The following ST8SIA2 variants were observed in gnomAD, a reference collection of about 807,000 sequenced individuals.
ST8SIA2 encodes alpha-2,8-sialyltransferase 8B.
Under a neutral mutation model 37.6 loss-of-function variants are expected in ST8SIA2, and 22 were observed. That is an observed-to-expected ratio of 0.58 (90% CI 0.42 to 0.83). ST8SIA2 has a LOEUF of 0.83. Among genes scored for constraint, ST8SIA2 ranks in the 40% least tolerant of loss-of-function variants. ST8SIA2 has a pLI of 0.00. For synonymous variants in ST8SIA2, 205 were observed against 201.2 expected, an observed-to-expected ratio of 1.02 and a Z score of -0.16; for missense variants, 382 against 484.7, an observed-to-expected ratio of 0.79 and a Z score of 1.99.
intron 1 of ST8SIA2, among the ~76,000 whole-genome samples, chr15:92,408,908 G>A (rs2049529145): frequency 6.6e-6 from 1 of 151,912 alleles, no homozygotes; most frequent in Non-Finnish European, 1.5e-5. Flanking sequence ...GTTTCACCAT[G>A]TTGGTCAGGC....
At chr15:92,395,412 A>G (rs1445956872) in intron 1 of ST8SIA2, among the ~76,000 whole-genome samples, 1 of 152,172 alleles carries the variant, frequency 6.6e-6, no homozygotes, top group Non-Finnish European at 1.5e-5. Context: ...CCGAGGCCCC[A>G]AGGACAAAAA....
chr15:92,456,693 C>T (rs1238344772), intron 5 of ST8SIA2, among the ~76,000 whole-genome samples: 3 of 152,156 alleles, frequency 2.0e-5, no homozygotes, highest in South Asian at 4.1e-4. Context: ...AGATGTTCCT[C>T]GTGGCAGTGT....
chr15:92,435,028 C>T (rs887428791), intron 3 of ST8SIA2, among the ~76,000 whole-genome samples: 5 of 152,206 alleles, frequency 3.3e-5, no homozygotes, highest in African/African-American at 1.2e-4. Context: ...ATTACAACTT[C>T]GGCATTTTGG....
chr15:92,456,485 C>G (rs769057758), intron 5 of ST8SIA2, among the ~76,000 whole-genome samples: 1 of 152,144 alleles, frequency 6.6e-6, no homozygotes, highest in Non-Finnish European at 1.5e-5. Context: ...GAATTTAAAA[C>G]TGTAGGGAAG....
At chr15:92,408,257 C>T (rs1349040278) in intron 1 of ST8SIA2, among the ~76,000 whole-genome samples, 1 of 151,972 alleles carries the variant, frequency 6.6e-6, no homozygotes, top group Non-Finnish European at 1.5e-5. Flanking sequence ...CCCAAGAAGA[C>T]CTTTCACCCC....
chr15:92,448,572 G>C (rs762584972), intron 5 of ST8SIA2, among the ~76,000 whole-genome samples: 2 of 152,318 alleles, frequency 1.3e-5, no homozygotes, highest in South Asian at 4.1e-4. Context: ...CCCCAGCTCC[G>C]TGACTGGCTT....
intron 4 of ST8SIA2, among the ~76,000 whole-genome samples, chr15:92,439,451 G>A (rs2049785330): frequency 6.6e-6 from 1 of 152,206 alleles, no homozygotes; most frequent in African/African-American, 2.4e-5. Flanking sequence ...GCTGTCTCCA[G>A]GTCAAAATTA....
In ST8SIA2 at chr15:92,404,193, G is replaced by A. The variant is rs562701900; in HGVS notation, c.98+10031G>A. On this transcript the variant is annotated intron_variant, in intron 1 of 5. Transcript: ENST00000268164. ...GGACTGACAAGTTCTTGCCAGAGCT[G>A]GATTCATGGCATATAATTCAGGACA... Among the ~76,000 whole-genome samples, 7 of 152,346 alleles carry A rather than the reference G, an allele frequency of 4.6e-5. No individual in the cohort carries two copies. In the South Asian group the frequency reaches 1.5e-3, roughly 32 times the overall value.
chr15:92,451,993 T>C (rs1443149737), intron 5 of ST8SIA2, among the ~76,000 whole-genome samples: 1 of 152,176 alleles, frequency 6.6e-6, no homozygotes, highest in African/African-American at 2.4e-5. Flanking sequence ...GAAAAGTCTT[T>C]TTATGTTTCA....
intron 4 of ST8SIA2, among the ~76,000 whole-genome samples, chr15:92,440,092 G>A (rs1015627462): frequency 1.3e-5 from 2 of 152,198 alleles, no homozygotes; most frequent in African/African-American, 2.4e-5. Context: ...TTTGGCCACA[G>A]TTTCCTTTTG....
At chr15:92,416,014 G>A (rs1294940025) in intron 1 of ST8SIA2, among the ~76,000 whole-genome samples, 6 of 152,182 alleles carry the variant, frequency 3.9e-5, no homozygotes, top group East Asian at 3.9e-4. Flanking sequence ...TGCAGGGGTC[G>A]GTAAGAGAGA....
At chr15:92,407,813 A>C (rs1282140755) in intron 1 of ST8SIA2, among the ~76,000 whole-genome samples, 1 of 152,174 alleles carries the variant, frequency 6.6e-6, no homozygotes, top group Non-Finnish European at 1.5e-5. Flanking sequence ...AGGGCAAGGG[A>C]TATTGGTATT....
chr15:92,434,134 T>G (rs1025806833), intron 2 of ST8SIA2, 113 bp from the exon 3 acceptor site: 1 of 1,470,612 alleles, frequency 6.8e-7, no homozygotes, highest in African/African-American at 1.4e-5. Context: ...AACTGCAATT[T>G]TGCTCTTCTG....
At chr15:92,439,324 A>T (rs887343288) in intron 4 of ST8SIA2, among the ~76,000 whole-genome samples, 1 of 152,196 alleles carries the variant, frequency 6.6e-6, no homozygotes, top group Non-Finnish European at 1.5e-5. Context: ...ACCTGACTAT[A>T]ATTTTCTCTA....
chr15:92,453,461 T>G (rs1021017528), intron 5 of ST8SIA2, among the ~76,000 whole-genome samples: 1 of 152,216 alleles, frequency 6.6e-6, no homozygotes, highest in Non-Finnish European at 1.5e-5. Flanking sequence ...AAATGCAAGA[T>G]TCTGTACTTA....
At chr15:92,419,378 T>G (rs2049613996) in intron 1 of ST8SIA2, among the ~76,000 whole-genome samples, 2 of 152,100 alleles carry the variant, frequency 1.3e-5, no homozygotes, top group Non-Finnish European at 2.9e-5. Context: ...TGAATCCTGT[T>G]TTCTACAGGA....
At chr15:92,461,125 A>T (rs2049954416) in intron 5 of ST8SIA2, among the ~76,000 whole-genome samples, 1 of 152,012 alleles carries the variant, frequency 6.6e-6, no homozygotes, top group Non-Finnish European at 1.5e-5. Context: ...TTATCTAATA[A>T]CCCTGATCAC....
At chr15:92,419,297 T>C (rs895838399) in intron 1 of ST8SIA2, among the ~76,000 whole-genome samples, 6 of 152,128 alleles carry the variant, frequency 3.9e-5, no homozygotes, top group African/African-American at 1.4e-4. Flanking sequence ...AGACAACTAG[T>C]GTAGACGGAC....
chr15:92,422,718 G>C (rs1467850958), intron 1 of ST8SIA2: 2 of 152,690 alleles, frequency 1.3e-5, no homozygotes, highest in African/African-American at 4.8e-5. Flanking sequence ...CACCTCCTCA[G>C]GTGGAAAAGA....
Sources: gnomAD v4.1 joint callset for allele counts (sites outside exome capture counted in the v4.1 genomes callset) on GRCh38, gnomAD v4.1.1 for gene constraint, MANE v1.5 for transcripts, NCBI Gene and HGNC (gene_info 2026-07-23, HGNC 2026-07-21) for gene names.